The following CYTH1 variants were observed in gnomAD, a reference collection of about 807,000 sequenced individuals.
CYTH1 encodes the protein cytohesin-1.
In CYTH1, 18 loss-of-function variants were observed where a neutral mutation model predicts 61.8. The observed-to-expected ratio is 0.29, with a 90% CI of 0.20 to 0.43. The LOEUF (loss-of-function observed/expected upper bound fraction) is 0.43. Among genes scored for constraint, CYTH1 ranks in the 20% least tolerant of loss-of-function variants. CYTH1 has a pLI of 1.00. For missense variants in CYTH1, 336 were observed against 510.5 expected, an observed-to-expected ratio of 0.66 and a Z score of 3.29; for synonymous variants, 174 against 184.3, an observed-to-expected ratio of 0.94 and a Z score of 0.45.
intron 1 of CYTH1, among the ~76,000 whole-genome samples, chr17:78,721,103 G>A (rs1254763214): frequency 6.6e-6 from 1 of 152,212 alleles, no homozygotes; most frequent in East Asian, 1.9e-4. Flanking sequence ...GCCGAGGCAG[G>A]TGGATCACCT....
intron 1 of CYTH1, among the ~76,000 whole-genome samples, chr17:78,750,593 G>A (rs1455354964): frequency 6.6e-6 from 1 of 152,130 alleles, no homozygotes; most frequent in African/African-American, 2.4e-5. Context: ...TGGATCACGA[G>A]GTCAGAGTTC....
Position 78,700,763 on chromosome 17 carries a change from G to A in CYTH1, c.438-320C>T, listed in dbSNP as rs2093000289. On this transcript the variant is annotated intron_variant, in intron 6 of 13. Coordinates refer to ENST00000446868, the MANE Select transcript of CYTH1 (RefSeq NM_004762.6). This position sits in a 1 kb window ranked among gnomAD's most constrained non-coding sequence, Gnocchi z 5.1. ...TGGTCTCAAACTCCTGGCCTCAAGT[G>A]ATCCACCCGCCTCAGCCTCCCAAAG... is the stretch of plus-strand genomic sequence containing the variant. Among the ~76,000 whole-genome samples the A allele has an allele frequency of 6.6e-6, 1 of 152,064 alleles. No homozygotes were observed. The highest frequency in any genetic ancestry group is 2.4e-5 in the African/African-American group (1 of 41,408).
At position 78,717,620 on chromosome 17, in the gene CYTH1, C is replaced by T. The variant is rs75734291; in HGVS notation, c.23-7888G>A. Among the ~76,000 whole-genome samples, 102 of 152,232 alleles carry T rather than the reference C, an allele frequency of 6.7e-4. 3 individuals carry two copies. In the East Asian group the frequency reaches 0.019, roughly 28 times the overall value. On this transcript the variant is annotated intron_variant, in intron 1 of 13. Transcript: ENST00000446868. This position sits in a 1 kb window ranked among gnomAD's most constrained non-coding sequence, Gnocchi z 4.4. ...AGAGCCCTCTTTCCAAGCCAGAGGA[C>T]GATACATGAGCACACGGCGGGCTCT...
chr17:78,762,022 G>A (rs1238378965), intron 1 of CYTH1, among the ~76,000 whole-genome samples: 1 of 152,192 alleles, frequency 6.6e-6, no homozygotes, highest in Non-Finnish European at 1.5e-5. Context: ...ATGTGACATG[G>A]GGGAAAACAG....
At chr17:78,696,828 T>C (rs919524226) in intron 9 of CYTH1, 1 of 152,218 alleles carries the variant, frequency 6.6e-6, no homozygotes, top group Non-Finnish European at 1.5e-5. Flanking sequence ...AATCTCGCTG[T>C]AGGGGGAAGT....
At chr17:78,735,588 C>T (rs1409414743) in intron 1 of CYTH1, among the ~76,000 whole-genome samples, 9 of 152,168 alleles carry the variant, frequency 5.9e-5, no homozygotes, top group African/African-American at 1.9e-4. Context: ...GTCCCCCACG[C>T]GTGCTGCAGC....
At chr17:78,715,721 TCAGGGA>T (rs2093175179) in intron 1 of CYTH1, among the ~76,000 whole-genome samples, 1 of 152,066 alleles carries the variant, frequency 6.6e-6, no homozygotes, top group Admixed American at 6.5e-5. Context: ...CTCTGGGCCA[TCAGGGA>T]CGCCAGGAAC....
chr17:78,728,964 A>G (rs1598889125), intron 1 of CYTH1, among the ~76,000 whole-genome samples: 2 of 152,368 alleles, frequency 1.3e-5, no homozygotes, highest in South Asian at 4.1e-4. Context: ...TAGTATAGTC[A>G]TAATATTGGT....
chr17:78,736,624 A>G (rs895746719), intron 1 of CYTH1: 1 of 258,872 alleles, frequency 3.9e-6, no homozygotes. Context: ...GAAAAGAGAT[A>G]CCTAAAACTC....
At chr17:78,760,471 G>GTA (rs1225522220) in intron 1 of CYTH1, among the ~76,000 whole-genome samples, 5 of 26,804 alleles carry the variant, frequency 1.9e-4, no homozygotes, top group Admixed American at 3.9e-4. Flanking sequence ...ATATATATAT[G>GTA]TATATATATG....
intron 3 of CYTH1, among the ~76,000 whole-genome samples, chr17:78,705,331 T>C (rs1474288507): frequency 6.6e-6 from 1 of 152,194 alleles, no homozygotes; most frequent in African/African-American, 2.4e-5. Flanking sequence ...CACTTCTCTA[T>C]CTGCCCCACT....
At chr17:78,744,439 G>A (rs558859225) in intron 1 of CYTH1, among the ~76,000 whole-genome samples, 2 of 152,278 alleles carry the variant, frequency 1.3e-5, no homozygotes, top group South Asian at 2.1e-4. Context: ...ATACAATCAC[G>A]CAAGTGTCCT....
intron 1 of CYTH1, among the ~76,000 whole-genome samples, chr17:78,749,665 TA>T (rs141892252): frequency 6.7e-6 from 1 of 150,316 alleles, no homozygotes; most frequent in Admixed American, 6.6e-5. Flanking sequence ...AATAAAAAAA[TA>T]AAAAAAAACC....
At chr17:78,754,412 T>C (rs2093392834) in intron 1 of CYTH1, among the ~76,000 whole-genome samples, 2 of 152,020 alleles carry the variant, frequency 1.3e-5, no homozygotes, top group African/African-American at 4.8e-5. Context: ...GGTGCAATCT[T>C]GGCTCACTGC....
chr17:78,731,623 T>C (rs1056158966), intron 1 of CYTH1, among the ~76,000 whole-genome samples: 4 of 151,420 alleles, frequency 2.6e-5, no homozygotes, highest in Admixed American at 6.6e-5. Context: ...CCGGGAGTGG[T>C]GGCGGGCGCC....
chr17:78,753,121 A>G (rs2093386842), intron 1 of CYTH1, among the ~76,000 whole-genome samples: 1 of 152,196 alleles, frequency 6.6e-6, no homozygotes, highest in South Asian at 2.1e-4. Flanking sequence ...GAGGACAATC[A>G]GAGGCAAGCC....
chr17:78,782,264 G>A lies in CYTH1; in HGVS notation c.-41C>T. 3.3e-6 allele frequency: 4 copies of A among 1,220,984 alleles called. No individual in the cohort carries two copies. Among genetic ancestry groups the A allele is most frequent in the Admixed American group, 3.8e-5 (1 of 26,434 alleles). The allele number at this position is 1,220,984 out of a possible 1,614,324, so 75.6% of individuals were successfully genotyped here. A position where few individuals can be genotyped will look rare whatever the true frequency, so the allele number is the denominator to read the frequency against. ...CTCCGCGCTCCGGCTCGCCGCTCGCGTCCCGCCGCGCCACCCGCGCCCCCG... is the reference window on the plus strand; with the variant it reads ...CTCCGCGCTCCGGCTCGCCGCTCGCATCCCGCCGCGCCACCCGCGCCCCCG... On this transcript the variant is annotated 5_prime_UTR_variant, in exon 1 of 14. It adds an upstream start codon to the 5' untranslated region. Coordinates refer to ENST00000446868, the MANE Select transcript of CYTH1 (RefSeq NM_004762.6).
chr17:78,710,082 T>C (rs576118172), intron 1 of CYTH1, among the ~76,000 whole-genome samples: 2 of 152,250 alleles, frequency 1.3e-5, no homozygotes, highest in South Asian at 2.1e-4. Flanking sequence ...GACATTTAAT[T>C]AATCTCTCTA....
Position 78,777,875 on chromosome 17 carries a change from C to T in CYTH1, c.22+4327G>A, listed in dbSNP as rs1027793234. Among the ~76,000 whole-genome samples, 6 of 151,714 alleles carry T rather than the reference C, an allele frequency of 4.0e-5. No homozygotes were observed. The East Asian group carries it at 1.2e-3, about 29-fold the overall frequency. ...GAATTCTAAAAACAGTGGTACCTGT[C>T]CTAGGCTGATTCACAAAACGTTACC... On this transcript the variant is annotated intron_variant, in intron 1 of 13. Transcript: ENST00000446868.
Sources: allele counts gnomAD v4.1 joint callset (sites outside exome capture counted in the v4.1 genomes callset), GRCh38; gene constraint gnomAD v4.1.1; non-coding constraint Gnocchi (gnomAD v3.1); transcripts MANE v1.5; gene names NCBI Gene and HGNC (gene_info 2026-07-23, HGNC 2026-07-21).